ULK1: variants seen among roughly 807,000 people sequenced by gnomAD.
The protein encoded by ULK1 is unc-51 like autophagy activating kinase 1.
A neutral mutation model predicts 117.5 loss-of-function variants in ULK1; 48 were observed. The ratio of observed to expected loss-of-function variants is 0.41; its 90% CI spans 0.32 to 0.52. The LOEUF (loss-of-function observed/expected upper bound fraction) is 0.52, where lower values mean the gene tolerates loss of function less well. ULK1 is among the 20% of genes least tolerant of loss of function. ULK1 has a pLI of 0.29. For synonymous variants in ULK1, 790 were observed against 637.8 expected (o/e 1.24, Z -3.60); for missense variants, 1,387 against 1,473.4 (o/e 0.94, Z 0.96).
chr12:131,915,075 G>A lies in ULK1; in HGVS notation c.1374-8G>A. 6.5e-7 allele frequency: 1 copy of A among 1,534,116 alleles called. No individual in the cohort carries two copies. The highest frequency in any genetic ancestry group is 8.8e-7 in the Non-Finnish European group (1 of 1,141,462). ...GGCCTCCCCTCCTAATATCTGCCTT[G>A]TCTTCAGGTCCTCTGCCATCCGCAG... On this transcript the variant is annotated splice_polypyrimidine_tract_variant and splice_region_variant and intron_variant, in intron 16 of 27. Coordinates refer to ENST00000321867, the MANE Select transcript of ULK1 (RefSeq NM_003565.4).
At chr12:131,914,007 T>C (rs768476799) in intron 15 of ULK1, among the ~76,000 whole-genome samples, 171 bp downstream of exon 15, 19 of 152,176 alleles carry the variant, frequency 1.2e-4, no homozygotes, top group Non-Finnish European at 1.9e-4. Flanking sequence ...GAAGGGACTA[T>C]AGTGGGAGGA....
chr12:131,913,921 C>A, intron 15 of ULK1, 85 bp downstream of exon 15: 2 of 1,224,448 alleles, frequency 1.6e-6, no homozygotes, highest in Non-Finnish European at 2.2e-6. Context: ...GCAGCCAGCC[C>A]AGGCCTGCTG....
intron 12 of ULK1, among the ~76,000 whole-genome samples, chr12:131,911,589 T>C (rs1406128398): frequency 1.3e-5 from 2 of 152,144 alleles, no homozygotes; most frequent in East Asian, 3.9e-4. Flanking sequence ...TGGTACCTCG[T>C]TCTCTTGGCT....
Position 131,914,445 on chromosome 12 carries a change from C to A in ULK1, c.1341C>A (p.Asn447Lys). Residue 447 changes from asparagine (N) to lysine (K), a missense_variant, in exon 16 of 28, where the codon AAC becomes AAA. This residue lies in a region of ULK1 where 900 missense variants were observed against 858.9 expected (regional missense o/e 1.05). Transcript: ENST00000321867. ...QVQNYQRIER[N>K]LQSPTQFQTP... is the part of the protein sequence containing the mutation. ...AGAACTACCAGCGCATTGAGCGAAA[C>A]CTGCAGTCACCCACCCAGTTCCAAA... 2 of 1,612,758 alleles carry A rather than the reference C, an allele frequency of 1.2e-6. No homozygotes were observed. The highest frequency in any genetic ancestry group is 1.7e-6 in the Non-Finnish European group (2 of 1,179,942).
chr12:131,911,847 T>C, intron 12 of ULK1, 95 bp from the exon 13 acceptor site: 2 of 1,566,238 alleles, frequency 1.3e-6, no homozygotes. Flanking sequence ...CCCCGATCTT[T>C]ACTGGGGCTC....
intron 26 of ULK1, chr12:131,920,794 C>T (rs746069455): frequency 4.1e-5 from 16 of 392,186 alleles, no homozygotes; most frequent in Non-Finnish European, 6.9e-5. Context: ...AGCCTCCCTC[C>T]TGCCCCCCTT....
In ULK1 at chr12:131,917,036, G is replaced by A. The variant is rs754681151; in HGVS notation, c.2156G>A (p.Ser719Asn). The A allele has an allele frequency of 3.1e-6, 5 of 1,604,982 alleles. No homozygotes were observed. Among genetic ancestry groups the A allele is most frequent in the South Asian group, 1.1e-5 (1 of 90,730 alleles). ...GCCCCGGACCCGGGCAGCACGGAGA[G>A]CCTGCAGGAGAAGCCCATGGAGATC... Reference protein sequence around the residue: ...TQAPDPGSTESLQEKPMEIAP... With the variant: ...TQAPDPGSTENLQEKPMEIAP... The change falls in exon 21 of 28, where the codon AGC (serine) becomes AAC (asparagine). Residue 719 changes from serine to asparagine, a missense_variant. Ser to Asn is a conservative substitution (Grantham distance 46). Transcript: ENST00000321867.
At chr12:131,920,207 GACC>G in intron 26 of ULK1, 71 bp downstream of exon 26, 1 of 1,549,494 alleles carries the variant, frequency 6.5e-7, no homozygotes, top group Non-Finnish European at 8.8e-7. Context: ...ACTGGGACGG[GACC>G]TTGATGCCCA....
chr12:131,912,667 C>T (rs1297328243), intron 13 of ULK1, among the ~76,000 whole-genome samples: 2 of 152,236 alleles, frequency 1.3e-5, no homozygotes, highest in African/African-American at 4.8e-5. Flanking sequence ...GCCGAGCCCT[C>T]CGCCTCTCCC....
chr12:131,919,144 G>C, intron 23 of ULK1, 68 bp from the exon 24 acceptor site: 12 of 1,515,348 alleles, frequency 7.9e-6, no homozygotes, highest in Non-Finnish European at 1.1e-5. Flanking sequence ...TCATCGGTGA[G>C]TCTGAAGGGA....
intron 3 of ULK1, 66 bp from the exon 4 acceptor site, chr12:131,906,826 G>T (rs1889295545): frequency 6.2e-7 from 1 of 1,608,470 alleles, no homozygotes; most frequent in Non-Finnish European, 8.5e-7. Context: ...TTGGGGCTGA[G>T]CCAGACTCCC....
rs768320366 is a variant in ULK1, at chr12:131,908,763, C to T, written c.436C>T (p.Leu146=). ...CGACCTGAAACCGCAGAACATCCTG[C>T]TGTCCAACCCCGCCGGCCGCCGCGC... The part of the protein sequence containing the change: ...HRDLKPQNIL[L]SNPAGRRANP... The change falls in exon 6 of 28, where the codon CTG becomes TTG. Residue 146 remains leucine, a synonymous_variant. Coordinates refer to ENST00000321867, the MANE Select transcript of ULK1 (RefSeq NM_003565.4). The T allele has an allele frequency of 3.1e-6, 5 of 1,608,180 alleles. No homozygotes were observed. Among genetic ancestry groups the T allele is most frequent in the Admixed American group, 3.4e-5 (2 of 59,440 alleles).
rs918594348 is a variant in ULK1 at position 131,918,499 on chromosome 12, G to T, written c.2329G>T (p.Gly777Cys). The change falls in exon 23 of 28, where the codon GGC becomes TGC. Residue 777 changes from glycine (G) to cysteine (C), a missense_variant and splice_region_variant. By Grantham distance (159) the Gly-to-Cys change is radical (BLOSUM62 -3). Transcript: ENST00000321867. ...CCCTCATCGCCCTCTCCCTGCAGCG[G>T]GCCCCACTGGCTCTGCCAGCTCTTC... ...QGPRTRMFSA[G>C]PTGSASSSAR... 6.2e-7 allele frequency: 1 copy of T among 1,609,090 alleles called. No homozygotes were observed. Among genetic ancestry groups the T allele is most frequent in the East Asian group, 2.2e-5 (1 of 44,732 alleles).
At chr12:131,905,870 G>T (rs1374100225) in intron 3 of ULK1, among the ~76,000 whole-genome samples, 1 of 152,158 alleles carries the variant, frequency 6.6e-6, no homozygotes, top group East Asian at 1.9e-4. Flanking sequence ...GGCAGGAAAG[G>T]GCGGGGTACT....
chr12:131,895,925 T>C (rs1888847674), intron 3 of ULK1, 101 bp downstream of exon 3: 1 of 1,461,076 alleles, frequency 6.8e-7, no homozygotes, highest in African/African-American at 1.4e-5. Flanking sequence ...CTGTCCAGGC[T>C]GGGGTCTACT....
At chr12:131,908,014 G>A (rs1365215711) in intron 5 of ULK1, among the ~76,000 whole-genome samples, 2 of 151,960 alleles carry the variant, frequency 1.3e-5, no homozygotes, top group African/African-American at 4.8e-5. Context: ...TGGGTGGGGC[G>A]CCGGCGGCCT....
rs1442775221 is a variant in ULK1, at chr12:131,910,010, C to T, written c.808+9C>T. On this transcript the variant is annotated intron_variant, in intron 10 of 27. Transcript: ENST00000321867. The stretch of plus-strand genomic sequence containing the variant: ...GGACCGCATGGACTTCGGTGAGCAC[C>T]CACCAGGGGCGCAGCTGGAGTCCCC... 2.5e-6 allele frequency: 4 copies of T among 1,610,962 alleles called. No individual in the cohort carries two copies. The highest frequency in any genetic ancestry group is 2.2e-5 in the East Asian group (1 of 44,880).
intron 3 of ULK1, among the ~76,000 whole-genome samples, chr12:131,901,539 C>T (rs755535249): frequency 6.6e-6 from 1 of 152,186 alleles, no homozygotes; most frequent in Non-Finnish European, 1.5e-5. Flanking sequence ...GCCCCCCTCC[C>T]CCTCTGCTTT....
Position 131,922,172 on chromosome 12 carries a change from T to C in ULK1, c.*811T>C. On this transcript the variant is annotated 3_prime_UTR_variant, in exon 28 of 28. Coordinates refer to ENST00000321867, the MANE Select transcript of ULK1 (RefSeq NM_003565.4). ...ACGTGTCTTATTTTTATGCAGCTCATTTTTTCTTTAAAGGAGAAAACTTGT... is the reference window on the plus strand; with the variant it reads ...ACGTGTCTTATTTTTATGCAGCTCACTTTTTCTTTAAAGGAGAAAACTTGT... The C allele has an allele frequency of 2.7e-6, 1 of 366,728 alleles. No individual in the cohort carries two copies. The highest frequency in any genetic ancestry group is 3.8e-4 in the Middle Eastern group (1 of 2,630). 22.7% of individuals were successfully genotyped at this position (366,728 alleles called of 1,614,324 possible).
Sources: gnomAD v4.1 joint callset for allele counts (sites outside exome capture counted in the v4.1 genomes callset) on GRCh38, gnomAD v4.1.1 for gene constraint, gnomAD v4.1.1 regional missense constraint, MANE v1.5 for transcripts, NCBI Gene and HGNC (gene_info 2026-07-23, HGNC 2026-07-21) for gene names.